Variants in HIVEP2 observed in about 807,000 individuals in gnomAD.
HIVEP2 encodes the protein transcription factor HIVEP2.
HIVEP2 carries 14 observed loss-of-function variants against 180.7 expected under a neutral mutation model. The ratio of observed to expected loss-of-function variants is 0.08; its 90% CI spans 0.05 to 0.12. HIVEP2 has a LOEUF of 0.12. Among genes scored for constraint, HIVEP2 ranks in the 10% least tolerant of loss-of-function variants. The pLI, the probability that HIVEP2 is intolerant of heterozygous loss-of-function variation, is 1.00. For missense variants in HIVEP2, 2,579 were observed against 3,008.5 expected (o/e 0.86, Z 3.34); for synonymous variants, 1,184 against 1,136.4 (o/e 1.04, Z -0.84).
chr6:142,857,730 G>C (rs1472720359), intron 1 of HIVEP2, among the ~76,000 whole-genome samples: 3 of 152,210 alleles, frequency 2.0e-5, no homozygotes, highest in Non-Finnish European at 4.4e-5. Context: ...ATTAGGTGCT[G>C]TAAACACCTA....
chr6:142,942,060 A>G (rs1448928946), intron 1 of HIVEP2, among the ~76,000 whole-genome samples: 1 of 152,224 alleles, frequency 6.6e-6, no homozygotes, highest in African/African-American at 2.4e-5. Flanking sequence ...TTATTAAATT[A>G]CTTTACATCC....
chr6:142,902,304 G>A (rs1293320202), intron 1 of HIVEP2, among the ~76,000 whole-genome samples: 7 of 148,834 alleles, frequency 4.7e-5, no homozygotes, highest in Admixed American at 6.6e-5. Context: ...TGGGAACCTC[G>A]CCTGGTGGTA....
intron 1 of HIVEP2, among the ~76,000 whole-genome samples, chr6:142,852,031 T>C (rs1775693453): frequency 6.6e-6 from 1 of 152,202 alleles, no homozygotes. Context: ...CCTAATTTAC[T>C]TTGGCAATAA....
At chr6:142,808,036 T>C (rs1280234648) in intron 2 of HIVEP2, among the ~76,000 whole-genome samples, 2 of 152,182 alleles carry the variant, frequency 1.3e-5, no homozygotes, top group African/African-American at 4.8e-5. Flanking sequence ...TGTCTATCAC[T>C]TAGGGCCCTC....
At chr6:142,883,111 C>T (rs1776612530) in intron 1 of HIVEP2, among the ~76,000 whole-genome samples, 1 of 152,048 alleles carries the variant, frequency 6.6e-6, no homozygotes, top group South Asian at 2.1e-4. Flanking sequence ...TAGGTTTACA[C>T]ATCATCATAC....
chr6:142,795,566 T>C (rs1331983346), intron 2 of HIVEP2, among the ~76,000 whole-genome samples: 1 of 152,232 alleles, frequency 6.6e-6, no homozygotes, highest in Non-Finnish European at 1.5e-5. Context: ...CTAATTTTAT[T>C]GCAGCTTCTG....
rs1775338940 is a variant in HIVEP2 at position 142,764,737 on chromosome 6, C to T, written c.5518+62G>A. On this transcript the variant is annotated intron_variant, in intron 7 of 9. Coordinates refer to ENST00000367603, the MANE Select transcript of HIVEP2 (RefSeq NM_006734.4). ...TTGATGAAGGTTAGTTATAAAATAG[C>T]ACTCAGAAATCTAAGTAGCCATAGA... 3 of 1,165,264 alleles carry T rather than the reference C, an allele frequency of 2.6e-6. No individual in the cohort carries two copies. In the East Asian group the frequency reaches 7.3e-5, roughly 28 times the overall value. 72.2% of individuals were successfully genotyped at this position (1,165,264 alleles called of 1,614,324 possible). A position where few individuals can be genotyped will look rare whatever the true frequency, so the allele number is the denominator to read the frequency against.
chr6:142,843,208 C>T lies in HIVEP2; in HGVS notation c.-640-6161G>A, dbSNP rs115750962. ...GTTCCCAGGTGATAAGTTCGCTGGT[C>T]TACACTTTGAGAAGCAAGACTGTAG... On this transcript the variant is annotated intron_variant, in intron 1 of 9. Transcript: ENST00000367603. Among the ~76,000 whole-genome samples the T allele has an allele frequency of 4.3e-3, 655 of 152,242 alleles. 3 individuals are homozygous for T. Among genetic ancestry groups the T allele is most frequent in the African/African-American group, 0.015 (620 of 41,530 alleles).
chr6:142,875,625 A>G (rs1217088564), intron 1 of HIVEP2, among the ~76,000 whole-genome samples: 1 of 152,202 alleles, frequency 6.6e-6, no homozygotes, highest in Non-Finnish European at 1.5e-5. Context: ...AGAGAGAGCC[A>G]GAAGTACTTA....
chr6:142,817,200 C>A (rs1776864907), intron 2 of HIVEP2, among the ~76,000 whole-genome samples: 1 of 152,134 alleles, frequency 6.6e-6, no homozygotes, highest in Non-Finnish European at 1.5e-5. Context: ...TGTAATAGTA[C>A]CTTCTTAAAA....
intron 2 of HIVEP2, among the ~76,000 whole-genome samples, chr6:142,797,560 G>C (rs530406963): frequency 6.6e-6 from 1 of 152,248 alleles, no homozygotes; most frequent in African/African-American, 2.4e-5. Flanking sequence ...CGCCCAGATA[G>C]TATGGACAAA....
intron 1 of HIVEP2, among the ~76,000 whole-genome samples, chr6:142,926,918 T>A (rs1478323320): frequency 1.3e-5 from 2 of 151,978 alleles, no homozygotes; most frequent in African/African-American, 4.8e-5. Context: ...AGCTGAGCCC[T>A]GCGGAGACGT....
At chr6:142,807,308 T>G (rs1481806814) in intron 2 of HIVEP2, among the ~76,000 whole-genome samples, 1 of 152,130 alleles carries the variant, frequency 6.6e-6, no homozygotes, top group Non-Finnish European at 1.5e-5. Context: ...TCAGTTTGCA[T>G]GCCCTGAGTA....
chr6:142,888,134 A>G (rs899847419), intron 1 of HIVEP2, among the ~76,000 whole-genome samples: 1 of 152,230 alleles, frequency 6.6e-6, no homozygotes, highest in Non-Finnish European at 1.5e-5. Context: ...AGTCAAGGAC[A>G]GATAACTCAC....
intron 1 of HIVEP2, among the ~76,000 whole-genome samples, chr6:142,891,700 C>T (rs555050581): frequency 4.7e-4 from 72 of 152,308 alleles, no homozygotes; most frequent in African/African-American, 1.6e-3. Context: ...AAATGAGAGA[C>T]TTTGAGTCAC....
intron 2 of HIVEP2, among the ~76,000 whole-genome samples, chr6:142,812,742 G>A (rs770862019): frequency 6.6e-6 from 1 of 152,122 alleles, no homozygotes; most frequent in Non-Finnish European, 1.5e-5. Context: ...ACTAAAGAAT[G>A]GCTGTGTTAA....
chr6:142,827,682 GGGAAGGA>G (rs1474079909), intron 2 of HIVEP2, among the ~76,000 whole-genome samples: 1 of 152,170 alleles, frequency 6.6e-6, no homozygotes, highest in Non-Finnish European at 1.5e-5. Context: ...GGGAAGGAGT[GGGAAGGA>G]GGAAGGAGGT....
In HIVEP2 at chr6:142,774,305, C is replaced by T. The variant is rs764962723; in HGVS notation, c.434G>A (p.Gly145Asp). ...TTTTCTAGGATAACCACCACTGTGG[C>T]CATGTATAGGAAAAGGAAATAAGTC... The part of the protein sequence containing the change: ...SEDLFPFPIH[G>D]HSGGYPRKKI... Residue 145 changes from glycine (G) to aspartate (D), a missense_variant, in exon 5 of 10, where the codon GGC becomes GAC. By Grantham distance (94) the Gly-to-Asp change is moderately conservative. Coordinates refer to ENST00000367603, the MANE Select transcript of HIVEP2 (RefSeq NM_006734.4). This position sits in a 1 kb window ranked among gnomAD's most constrained non-coding sequence, Gnocchi z 5.1. The T allele has an allele frequency of 1.1e-5, 17 of 1,614,010 alleles. No individual in the cohort carries two copies. The Admixed American group carries it at 1.7e-4, about 16-fold the overall frequency.
intron 1 of HIVEP2, among the ~76,000 whole-genome samples, chr6:142,906,588 T>A (rs561458646): frequency 6.6e-6 from 1 of 152,008 alleles, no homozygotes; most frequent in African/African-American, 2.4e-5. Flanking sequence ...TAAAAAATAT[T>A]CATTCCCTTT....
Sources: allele counts gnomAD v4.1 joint callset (sites outside exome capture counted in the v4.1 genomes callset), GRCh38; gene constraint gnomAD v4.1.1; non-coding constraint Gnocchi (gnomAD v3.1); transcripts MANE v1.5; gene names NCBI Gene and HGNC (gene_info 2026-07-23, HGNC 2026-07-21).